LDB2: variants seen among roughly 807,000 people sequenced by gnomAD.
LDB2 encodes the protein LIM domain-binding protein 2.
LDB2 carries 12 observed loss-of-function variants against 44.3 expected under a neutral mutation model. The ratio of observed to expected loss-of-function variants is 0.27; its 90% CI spans 0.17 to 0.44. The LOEUF (loss-of-function observed/expected upper bound fraction) is 0.44, where lower values mean the gene tolerates loss of function less well. Ranked by LOEUF, LDB2 falls within the 20% of genes least tolerant of loss-of-function variation. LDB2 has a pLI of 1.00. For missense variants in LDB2, 344 were observed against 473.5 expected (o/e 0.73, Z 2.54); for synonymous variants, 164 against 174.8 (o/e 0.94, Z 0.49).
chr4:16,530,309 C>T (rs541815793), intron 5 of LDB2, among the ~76,000 whole-genome samples: 7 of 152,206 alleles, frequency 4.6e-5, no homozygotes, highest in Non-Finnish European at 1.0e-4. Context: ...CATGGTAACA[C>T]TTTCCCCTTT....
At chr4:16,636,235 C>G (rs138584316) in intron 2 of LDB2, among the ~76,000 whole-genome samples, 4 of 152,184 alleles carry the variant, frequency 2.6e-5, no homozygotes, top group Non-Finnish European at 4.4e-5. Context: ...CACACCACAA[C>G]GTCAGTGACA....
chr4:16,518,996 C>G (rs1230426052), intron 5 of LDB2, among the ~76,000 whole-genome samples: 1 of 152,226 alleles, frequency 6.6e-6, no homozygotes. Flanking sequence ...TCCTATCCTG[C>G]AAGGGACTCT....
At chr4:16,767,726 C>A (rs1399660887) in intron 1 of LDB2, among the ~76,000 whole-genome samples, 2 of 152,180 alleles carry the variant, frequency 1.3e-5, no homozygotes, top group South Asian at 2.1e-4. Flanking sequence ...GACAATTCTT[C>A]CATATTTTAA....
intron 1 of LDB2, among the ~76,000 whole-genome samples, chr4:16,803,442 A>G (rs1447617038): frequency 6.6e-6 from 1 of 152,210 alleles, no homozygotes; most frequent in East Asian, 1.9e-4. Context: ...ATCATTTAAG[A>G]AAAATGGTCC....
chr4:16,865,194 G>A (rs1015087608), intron 1 of LDB2, among the ~76,000 whole-genome samples: 1 of 152,176 alleles, frequency 6.6e-6, no homozygotes, highest in African/African-American at 2.4e-5. Context: ...GGAGGTTGCA[G>A]TAAGCAGAGA....
At chr4:16,569,706 C>G (rs1054900354) in intron 5 of LDB2, among the ~76,000 whole-genome samples, 4 of 152,106 alleles carry the variant, frequency 2.6e-5, no homozygotes, top group African/African-American at 9.7e-5. Flanking sequence ...AGCTGCTTGG[C>G]GTCAGTTTCC....
intron 2 of LDB2, among the ~76,000 whole-genome samples, chr4:16,673,975 G>C (rs186281955): frequency 1.3e-5 from 2 of 152,326 alleles, no homozygotes; most frequent in African/African-American, 4.8e-5. Context: ...AGAGCACTGA[G>C]AGAGCCCATG....
intron 5 of LDB2, among the ~76,000 whole-genome samples, chr4:16,556,727 A>G (rs1238197468): frequency 6.6e-6 from 1 of 152,220 alleles, no homozygotes; most frequent in East Asian, 1.9e-4. Context: ...CATGTAAATA[A>G]ATATAACAAC....
intron 5 of LDB2, among the ~76,000 whole-genome samples, chr4:16,572,069 C>G (rs983014531): frequency 2.6e-5 from 4 of 152,098 alleles, no homozygotes; most frequent in Non-Finnish European, 4.4e-5. Flanking sequence ...GATCAGAGAC[C>G]AGCCACAGAG....
rs765950929 is a variant in LDB2, at chr4:16,595,723, C to CGTG, written c.385_387dup (p.His129dup). The stretch of plus-strand genomic sequence containing the variant: ...TGTACCTTGGTAAACATGGGCTTCC[C>CGTG]GTGCTGGGTGACCATGGTACACTGG... On this transcript the variant is annotated inframe_insertion, in exon 3 of 8. Coordinates refer to ENST00000304523, the MANE Select transcript of LDB2 (RefSeq NM_001290.5). 22 of 1,613,240 alleles carry CGTG rather than the reference C, an allele frequency of 1.4e-5. No homozygotes were observed. The Admixed American group carries it at 1.8e-4, about 13-fold the overall frequency.
intron 1 of LDB2, among the ~76,000 whole-genome samples, chr4:16,790,331 C>A (rs958117393): frequency 1.2e-4 from 18 of 152,190 alleles, no homozygotes; most frequent in African/African-American, 4.3e-4. Flanking sequence ...TACGGTCATG[C>A]ACCATATAAG....
chr4:16,675,514 C>T (rs1405917927), intron 2 of LDB2, among the ~76,000 whole-genome samples: 1 of 151,058 alleles, frequency 6.6e-6, no homozygotes, highest in Non-Finnish European at 1.5e-5. Context: ...CCTGCTGTCA[C>T]AGAACTTCTA....
chr4:16,602,838 T>C (rs961524282), intron 2 of LDB2, among the ~76,000 whole-genome samples: 2 of 152,162 alleles, frequency 1.3e-5, no homozygotes, highest in Non-Finnish European at 2.9e-5. Context: ...AAGCAATTCT[T>C]AGCATCATTA....
intron 2 of LDB2, chr4:16,674,351 A>T: frequency 9.4e-7 from 1 of 1,064,554 alleles, no homozygotes. Flanking sequence ...TGTCTCTGAG[A>T]TGCAAAGATA....
intron 1 of LDB2, among the ~76,000 whole-genome samples, chr4:16,814,228 A>G (rs1335393329): frequency 1.3e-5 from 2 of 152,148 alleles, no homozygotes; most frequent in African/African-American, 4.8e-5. Flanking sequence ...ACCTTTGCTT[A>G]GTGTGCACAG....
intron 2 of LDB2, among the ~76,000 whole-genome samples, chr4:16,695,248 T>C (rs969162159): frequency 1.4e-4 from 22 of 152,128 alleles, no homozygotes; most frequent in Admixed American, 1.4e-3. Flanking sequence ...GTATAATTAT[T>C]GCTCTAGGCG....
chr4:16,616,822 C>T (rs189166730), intron 2 of LDB2, among the ~76,000 whole-genome samples: 97 of 152,202 alleles, frequency 6.4e-4, no homozygotes, highest in African/African-American at 2.2e-3. Flanking sequence ...GTATTATGTA[C>T]CTAGGCAGGT....
At chr4:16,676,188 A>G (rs1746280071) in intron 2 of LDB2, among the ~76,000 whole-genome samples, 1 of 152,226 alleles carries the variant, frequency 6.6e-6, no homozygotes, top group Non-Finnish European at 1.5e-5. Flanking sequence ...CACTTCACAT[A>G]TAGCTGAATC....
At chr4:16,584,755 T>C (rs1716129512) in intron 5 of LDB2, among the ~76,000 whole-genome samples, 1 of 152,220 alleles carries the variant, frequency 6.6e-6, no homozygotes, top group African/African-American at 2.4e-5. Context: ...GGGTACCTGG[T>C]GGGCCTTGAC....
Sources: allele counts gnomAD v4.1 joint callset (sites outside exome capture counted in the v4.1 genomes callset), GRCh38; gene constraint gnomAD v4.1.1; transcripts MANE v1.5; gene names NCBI Gene and HGNC (gene_info 2026-07-23, HGNC 2026-07-21).